The following RYR2 variants were observed in gnomAD, a reference collection of about 807,000 sequenced individuals.
RYR2 encodes the protein cardiac muscle ryanodine receptor-calcium release channel.
Under a neutral mutation model 601.1 loss-of-function variants are expected in RYR2, and 227 were observed. The observed-to-expected ratio is 0.38, with a 90% confidence interval of 0.34 to 0.42. The LOEUF is 0.42. Ranked by LOEUF, RYR2 falls within the 10% of genes least tolerant of loss-of-function variation. RYR2 has a pLI of 1.00. For missense variants in RYR2, 4,646 were observed against 6,156.5 expected, an observed-to-expected ratio of 0.75 and a Z score of 8.21; for synonymous variants, 2,223 against 2,175.1, an observed-to-expected ratio of 1.02 and a Z score of -0.61.
chr1:237,466,850 T>G (rs1660139995), intron 16 of RYR2, among the ~76,000 whole-genome samples: 1 of 151,792 alleles, frequency 6.6e-6, no homozygotes, highest in Non-Finnish European at 1.5e-5. Context: ...GATTCCATCA[T>G]TGACCCAAGA....
chr1:237,793,394 C>T (rs951188866), intron 94 of RYR2, among the ~76,000 whole-genome samples: 7 of 151,978 alleles, frequency 4.6e-5, no homozygotes, highest in Non-Finnish European at 8.8e-5. Context: ...TTGCTGATGT[C>T]GAAATTAAAA....
intron 1 of RYR2, among the ~76,000 whole-genome samples, chr1:237,082,804 T>C (rs1665883929): frequency 1.3e-5 from 2 of 151,998 alleles, no homozygotes; most frequent in Non-Finnish European, 2.9e-5. Flanking sequence ...TGAATACACG[T>C]TTTCAGTCTC....
In RYR2 at chr1:237,655,801, TGGTCC is replaced by T; in HGVS notation, c.7966-19_7966-15del. ...TTTGCCATATAGTAATTTTTTTTTT[TGGTCC>T]TCCATTTTTCCCAGAAATATGAACA... On this transcript the variant is annotated splice_polypyrimidine_tract_variant and intron_variant, in intron 52 of 104. Transcript: ENST00000366574. 2 of 1,560,950 alleles carry T rather than the reference TGGTCC, an allele frequency of 1.3e-6. No individual in the cohort carries two copies. The highest frequency in any genetic ancestry group is 2.1e-5 in the Admixed American group (1 of 48,316).
chr1:237,671,703 C>T (rs1026954958), intron 58 of RYR2, among the ~76,000 whole-genome samples: 11 of 151,992 alleles, frequency 7.2e-5, no homozygotes, highest in Admixed American at 7.2e-4. Context: ...AAAATGCCTC[C>T]TTTGCTTGCC....
At chr1:237,086,475 T>A (rs1273979369) in intron 1 of RYR2, among the ~76,000 whole-genome samples, 6 of 152,144 alleles carry the variant, frequency 3.9e-5, no homozygotes, top group Non-Finnish European at 5.9e-5. Flanking sequence ...CCTTAACCCT[T>A]CTTGTCTCAG....
chr1:237,371,309 C>T (rs1166721831), intron 6 of RYR2, among the ~76,000 whole-genome samples: 1 of 152,072 alleles, frequency 6.6e-6, no homozygotes, highest in Non-Finnish European at 1.5e-5. Flanking sequence ...GTGTGTGCTA[C>T]CACGCCTGGC....
At chr1:237,217,412 A>G (rs556155147) in intron 1 of RYR2, among the ~76,000 whole-genome samples, 7 of 152,020 alleles carry the variant, frequency 4.6e-5, no homozygotes, top group Admixed American at 3.3e-4. Flanking sequence ...ACTTTTGGAT[A>G]TCAGCTAGTT....
At chr1:237,720,247 G>A (rs183156533) in intron 73 of RYR2, among the ~76,000 whole-genome samples, 103 of 152,086 alleles carry the variant, frequency 6.8e-4, no homozygotes, top group African/African-American at 2.1e-3. Flanking sequence ...ATGAAAATAC[G>A]CAAATGTCAA....
At chr1:237,441,841 A>G (rs1707931480) in intron 13 of RYR2, among the ~76,000 whole-genome samples, 1 of 152,006 alleles carries the variant, frequency 6.6e-6, no homozygotes, top group South Asian at 2.1e-4. Context: ...TGAGGTCCCC[A>G]GAAGCCAACA....
At chr1:237,446,400 T>C (rs1708341635) in intron 14 of RYR2, among the ~76,000 whole-genome samples, 1 of 152,322 alleles carries the variant, frequency 6.6e-6, no homozygotes, top group Non-Finnish European at 1.5e-5. Flanking sequence ...AATCCTATTA[T>C]TTGTTAATAT....
At chr1:237,095,199 C>T (rs1029017764) in intron 1 of RYR2, among the ~76,000 whole-genome samples, 14 of 152,216 alleles carry the variant, frequency 9.2e-5, no homozygotes, top group African/African-American at 3.1e-4. Context: ...TCAAAGGTAT[C>T]TAAGACAAAC....
At chr1:237,390,244 GC>G (rs1472654041) in intron 10 of RYR2, among the ~76,000 whole-genome samples, 1 of 148,024 alleles carries the variant, frequency 6.8e-6, no homozygotes, top group Non-Finnish European at 1.5e-5. Context: ...GTTTCTTAGA[GC>G]TTTTTCGGCT....
rs1445677704 is a variant in RYR2, at chr1:237,798,177, G to A, written c.14090+7G>A. The A allele has an allele frequency of 1.2e-6, 2 of 1,611,020 alleles. No homozygotes were observed. Among genetic ancestry groups the A allele is most frequent in the Non-Finnish European group, 1.7e-6 (2 of 1,178,790 alleles). On this transcript the variant is annotated splice_region_variant and intron_variant, in intron 97 of 104. Coordinates refer to ENST00000366574, the MANE Select transcript of RYR2 (RefSeq NM_001035.3). ...ACAGCTCCTTATCAGCTGTGTAAGT[G>A]TTACTTCGGCTCTATCCTACAGACT... is the stretch of plus-strand genomic sequence containing the variant.
At chr1:237,123,459 G>T (rs937843592) in intron 1 of RYR2, among the ~76,000 whole-genome samples, 1 of 151,890 alleles carries the variant, frequency 6.6e-6, no homozygotes, top group Admixed American at 6.6e-5. Context: ...GTGGTGGTGC[G>T]TGTCTGTAGT....
chr1:237,662,631 G>A (rs997009984), intron 56 of RYR2, among the ~76,000 whole-genome samples: 2 of 152,036 alleles, frequency 1.3e-5, no homozygotes, highest in African/African-American at 4.8e-5. Context: ...TTAAAATCAT[G>A]TATATTTTAT....
intron 48 of RYR2, among the ~76,000 whole-genome samples, chr1:237,643,699 G>A (rs1323508657): frequency 6.6e-6 from 1 of 151,128 alleles, no homozygotes; most frequent in South Asian, 2.1e-4. Context: ...TGCAAGCTCC[G>A]CCTCCCGGGT....
At position 237,423,232 on chromosome 1, in the gene RYR2, C is replaced by T; in HGVS notation, c.989C>T (p.Thr330Ile). 6.2e-7 allele frequency: 1 copy of T among 1,613,242 alleles called. No individual in the cohort carries two copies. The highest frequency in any genetic ancestry group is 2.2e-5 in the East Asian group (1 of 44,830). ...GCTGATGTAAAATCAACAGCATTTACCTTCCGGTCTTCCAAGGTGAGACAG... is the reference window on the plus strand; with the variant it reads ...GCTGATGTAAAATCAACAGCATTTATCTTCCGGTCTTCCAAGGTGAGACAG... ...EKADVKSTAF[T>I]FRSSKEKLDV... Residue 330 changes from threonine (T) to isoleucine (I), a missense_variant, in exon 12 of 105, where the codon ACC (threonine) becomes ATC (isoleucine). Coordinates refer to ENST00000366574, the MANE Select transcript of RYR2 (RefSeq NM_001035.3).
At chr1:237,445,285 A>G (rs1708232119) in intron 13 of RYR2, 116 bp from the exon 14 acceptor site, 2 of 1,297,182 alleles carry the variant, frequency 1.5e-6, no homozygotes, top group Non-Finnish European at 2.2e-6. Flanking sequence ...AGTCCCCTGT[A>G]CCTGCCTTTT....
At chr1:237,348,484 G>T (rs1698489020) in intron 3 of RYR2, among the ~76,000 whole-genome samples, 1 of 152,146 alleles carries the variant, frequency 6.6e-6, no homozygotes, top group Admixed American at 6.6e-5. Context: ...CAGGCTCTCA[G>T]TTGGAATCCT....
Sources: allele counts gnomAD v4.1 joint callset (sites outside exome capture counted in the v4.1 genomes callset), GRCh38; gene constraint gnomAD v4.1.1; transcripts MANE v1.5; gene names NCBI Gene and HGNC (gene_info 2026-07-23, HGNC 2026-07-21).